SGSM2: variants seen among roughly 807,000 people sequenced by gnomAD.
The protein encoded by SGSM2 is RUN and TBC1 domain containing 1.
A neutral mutation model predicts 126.6 loss-of-function variants in SGSM2; 89 were observed. The ratio of observed to expected loss-of-function variants is 0.70; its 90% CI spans 0.59 to 0.84. The LOEUF (loss-of-function observed/expected upper bound fraction) is 0.84. Ranked by LOEUF, SGSM2 falls within the 40% of genes least tolerant of loss-of-function variation. The pLI, the probability that SGSM2 is intolerant of heterozygous loss-of-function variation, is 0.00. For synonymous variants in SGSM2, 614 were observed against 574.3 expected, an observed-to-expected ratio of 1.07 and a Z score of -0.99; for missense variants, 1,404 against 1,416.6, an observed-to-expected ratio of 0.99 and a Z score of 0.14.
chr17:2,357,241 C>T (rs551765529), intron 2 of SGSM2, among the ~76,000 whole-genome samples: 2 of 152,138 alleles, frequency 1.3e-5, no homozygotes, highest in Admixed American at 6.5e-5. Context: ...CAGTTATGCT[C>T]CTGCCCACTC....
chr17:2,376,641 G>T, intron 19 of SGSM2, 92 bp from the exon 20 acceptor site: 1 of 1,363,454 alleles, frequency 7.3e-7, no homozygotes. Flanking sequence ...CTGACTTCTG[G>T]GCGGCAGGTG....
chr17:2,376,375 G>A, intron 19 of SGSM2, 114 bp downstream of exon 19: 4 of 1,404,074 alleles, frequency 2.8e-6, no homozygotes, highest in Non-Finnish European at 3.9e-6. Context: ...AATCACACTT[G>A]GCTCCCCCTG....
chr17:2,368,255 C>A (rs2065688052), intron 12 of SGSM2, among the ~76,000 whole-genome samples: 1 of 152,162 alleles, frequency 6.6e-6, no homozygotes, highest in Non-Finnish European at 1.5e-5. Context: ...TCTTTCCTAG[C>A]ACAGAGCTGG....
At chr17:2,341,480 C>A (rs965052862) in intron 1 of SGSM2, among the ~76,000 whole-genome samples, 1 of 152,206 alleles carries the variant, frequency 6.6e-6, no homozygotes, top group African/African-American at 2.4e-5. Flanking sequence ...CAGGGAGGGG[C>A]CTCCAGGTCC....
Position 2,373,080 on chromosome 17 carries a change from A to G in SGSM2, c.1916A>G (p.Gln639Arg), listed in dbSNP as rs774146142. 1.2e-6 allele frequency: 2 copies of G among 1,606,388 alleles called. No homozygotes were observed. The highest frequency in any genetic ancestry group is 1.7e-6 in the Non-Finnish European group (2 of 1,177,802). The change falls in exon 16 of 24, where the codon CAG (glutamine) becomes CGG (arginine). Residue 639 changes from glutamine (Q) to arginine (R), a missense_variant and splice_region_variant. Coordinates refer to ENST00000268989, the MANE Select transcript of SGSM2 (RefSeq NM_014853.3). The stretch of plus-strand genomic sequence containing the variant: ...GGCATGAGCAAGAAGGAGATGGAGC[A>G]GGTGAGGGGAGCCTGTTCCCATGGG... ...KFGMSKKEME[Q>R]VDAVVAARYQ...
chr17:2,355,347 G>T (rs2065053239), intron 2 of SGSM2, among the ~76,000 whole-genome samples: 1 of 56,092 alleles, frequency 1.8e-5, no homozygotes, highest in Non-Finnish European at 3.9e-5. Flanking sequence ...TGGGGGAAGG[G>T]ACCCCATATC....
In SGSM2 at chr17:2,372,427, C is replaced by T. The variant is rs751014752; in HGVS notation, c.1727C>T (p.Pro576Leu). 1.2e-6 allele frequency: 2 copies of T among 1,600,310 alleles called. No individual in the cohort carries two copies. Among genetic ancestry groups the T allele is most frequent in the Non-Finnish European group, 1.7e-6 (2 of 1,175,692 alleles). Residue 576 changes from proline to leucine, a missense_variant, in exon 15 of 24, where the codon CCC becomes CTC. Physicochemically the swap from Pro to Leu is moderately conservative, Grantham distance 98. Coordinates refer to ENST00000268989, the MANE Select transcript of SGSM2 (RefSeq NM_014853.3). This position sits in a 1 kb window ranked among gnomAD's most constrained non-coding sequence, Gnocchi z 6.0. ...VHHSVIPPDR[P>L]PGASAGLTKD... Reference sequence around the variant, plus strand: ...CATAGCGTTATCCCACCTGACCGGCCCCCGGGGGCCTCCGCGGGCCTCACC... The same window carrying T: ...CATAGCGTTATCCCACCTGACCGGCTCCCGGGGGCCTCCGCGGGCCTCACC...
rs569880860 is a variant in SGSM2 at position 2,367,252 on chromosome 17, C to T, written c.1289-19C>T. 12 of 1,607,340 alleles carry T rather than the reference C, an allele frequency of 7.5e-6. No homozygotes were observed. Among genetic ancestry groups the T allele is most frequent in the African/African-American group, 1.3e-5 (1 of 75,000 alleles). On this transcript the variant is annotated intron_variant, in intron 11 of 23. Coordinates refer to ENST00000268989, the MANE Select transcript of SGSM2 (RefSeq NM_014853.3). This position sits in a 1 kb window ranked among gnomAD's most constrained non-coding sequence, Gnocchi z 4.0. The stretch of plus-strand genomic sequence containing the variant: ...ATGAGGGCCTCATGCCTCTGCCTCT[C>T]GCTGTTCTCTTTGAGCAGTCACTAT...
intron 1 of SGSM2, among the ~76,000 whole-genome samples, chr17:2,338,729 C>A (rs927388994): frequency 6.7e-6 from 1 of 148,992 alleles, no homozygotes; most frequent in Non-Finnish European, 1.5e-5. Flanking sequence ...TTGGAATAGT[C>A]TGGACCTAAT....
At position 2,380,554 on chromosome 17, in the gene SGSM2, A is replaced by C; in HGVS notation, c.*1034A>C. ...TCCACATGCTTCTCAGGATGCCAAG[A>C]GGCCTAGGAACCCAGAAACCCCCTT... On this transcript the variant is annotated 3_prime_UTR_variant, in exon 24 of 24. Transcript: ENST00000268989. The C allele has an allele frequency of 1.8e-6, 1 of 562,702 alleles. No individual in the cohort carries two copies. The highest frequency in any genetic ancestry group is 3.1e-5 in the Admixed American group (1 of 32,362). 34.9% of individuals were successfully genotyped at this position (562,702 alleles called of 1,614,324 possible).
At position 2,363,820 on chromosome 17, in the gene SGSM2, T is replaced by C; in HGVS notation, c.807+221T>C. ...AGGCGAGGGGAGTCCGCAGTGTGGG[T>C]ATGGCTGGCCTGGAATGGACCTGGC... On this transcript the variant is annotated intron_variant, in intron 7 of 23. Transcript: ENST00000268989. The surrounding 1 kb of genome is among the most constrained non-coding windows in gnomAD (Gnocchi z 4.2). 1.2e-6 allele frequency: 1 copy of C among 808,752 alleles called. No homozygotes were observed. The highest frequency in any genetic ancestry group is 1.9e-6 in the Non-Finnish European group (1 of 523,072). The allele number at this position is 808,752 out of a possible 1,614,324, so 50.1% of individuals were successfully genotyped here.
chr17:2,361,118 A>G (rs142107022), intron 2 of SGSM2, among the ~76,000 whole-genome samples: 185 of 152,342 alleles, frequency 1.2e-3, no homozygotes, highest in African/African-American at 4.2e-3. Context: ...AAGCCCTCCT[A>G]GCATGGAAAA....
chr17:2,371,707 T>C, intron 13 of SGSM2: 1 of 421,340 alleles, frequency 2.4e-6, no homozygotes, highest in South Asian at 3.0e-5. Flanking sequence ...AGGTCCGGAG[T>C]TGTGCCGGCA....
intron 12 of SGSM2, among the ~76,000 whole-genome samples, 156 bp from the exon 13 acceptor site, chr17:2,371,106 A>G (rs958448316): frequency 6.6e-6 from 1 of 152,134 alleles, no homozygotes; most frequent in African/African-American, 2.4e-5. Context: ...TACCGTTTCC[A>G]TCTCTGGGCT....
rs1388493197 is a variant in SGSM2, at chr17:2,337,769, G to A, written c.57+24G>A. The A allele has an allele frequency of 1.3e-6, 2 of 1,505,988 alleles. No individual in the cohort carries two copies. The highest frequency in any genetic ancestry group is 1.8e-6 in the Non-Finnish European group (2 of 1,121,254). 93.3% of individuals were successfully genotyped at this position (1,505,988 alleles called of 1,614,324 possible). ...AGGTAAAGTCGAGTCAAGAACCCCG[G>A]GGGGCTCGCGCCCTGGCCCGCGCGG... On this transcript the variant is annotated intron_variant, in intron 1 of 23. Transcript: ENST00000268989. This position sits in a 1 kb window ranked among gnomAD's most constrained non-coding sequence, Gnocchi z 5.1.
chr17:2,360,009 A>G, intron 2 of SGSM2, among the ~76,000 whole-genome samples: 1 of 152,206 alleles, frequency 6.6e-6, no homozygotes, highest in East Asian at 1.9e-4. Flanking sequence ...ACCAGGGGGA[A>G]TGATCATGGA....
chr17:2,380,428 T>C lies in SGSM2; in HGVS notation c.*908T>C. 2 of 908,478 alleles carry C rather than the reference T, an allele frequency of 2.2e-6. No individual in the cohort carries two copies. Among genetic ancestry groups the C allele is most frequent in the Non-Finnish European group, 3.4e-6 (2 of 582,642 alleles). The allele number at this position is 908,478 out of a possible 1,614,324, so 56.3% of individuals were successfully genotyped here. A position where few individuals can be genotyped will look rare whatever the true frequency, so the allele number is the denominator to read the frequency against. On this transcript the variant is annotated 3_prime_UTR_variant, in exon 24 of 24. Transcript: ENST00000268989. ...AGGCCTCAGTTCGAGGGCAGCCCAT[T>C]ATCTGTCGCAGACATCTGCCATGTC...
intron 1 of SGSM2, among the ~76,000 whole-genome samples, chr17:2,342,665 G>T (rs1274150840): frequency 6.6e-6 from 1 of 152,152 alleles, no homozygotes; most frequent in Non-Finnish European, 1.5e-5. Flanking sequence ...CAGTTAAAAA[G>T]ATTTCTTTTT....
At chr17:2,354,802 T>C (rs1413311953) in intron 2 of SGSM2, among the ~76,000 whole-genome samples, 6 of 152,238 alleles carry the variant, frequency 3.9e-5, no homozygotes, top group Non-Finnish European at 8.8e-5. Context: ...CTACTCTAAA[T>C]TGGGTCTCTT....
Sources: gnomAD v4.1 joint callset for allele counts (sites outside exome capture counted in the v4.1 genomes callset) on GRCh38, gnomAD v4.1.1 for gene constraint, Gnocchi (gnomAD v3.1) non-coding constraint, MANE v1.5 for transcripts, NCBI Gene and HGNC (gene_info 2026-07-23, HGNC 2026-07-21) for gene names.